The following CDH18 variants were observed in gnomAD, a reference collection of about 807,000 sequenced individuals.
CDH18 encodes cadherin 18.
A neutral mutation model predicts 67.9 loss-of-function variants in CDH18; 31 were observed. That is an observed-to-expected ratio of 0.46 (90% CI 0.34 to 0.62). CDH18 has a LOEUF of 0.62. Ranked by LOEUF, CDH18 falls within the 20% of genes least tolerant of loss-of-function variation. The pLI, the probability that CDH18 is intolerant of heterozygous loss-of-function variation, is 0.01. For missense variants in CDH18, 890 were observed against 975.5 expected, an observed-to-expected ratio of 0.91 and a Z score of 1.17; for synonymous variants, 362 against 347.2, an observed-to-expected ratio of 1.04 and a Z score of -0.48.
At chr5:19,617,243 C>A (rs938371716) in intron 5 of CDH18, among the ~76,000 whole-genome samples, 46 of 152,218 alleles carry the variant, frequency 3.0e-4, no homozygotes, top group African/African-American at 1.1e-3. Context: ...ACATAATATA[C>A]AAAATGATGT....
At chr5:19,765,855 A>T (rs1581249436) in intron 3 of CDH18, among the ~76,000 whole-genome samples, 2 of 147,532 alleles carry the variant, frequency 1.4e-5, no homozygotes, top group South Asian at 4.4e-4. Flanking sequence ...TAAGTTCATT[A>T]AAAATGGAAA....
chr5:19,691,919 T>C (rs1761942103), intron 5 of CDH18, among the ~76,000 whole-genome samples: 1 of 151,698 alleles, frequency 6.6e-6, no homozygotes, highest in South Asian at 2.1e-4. Flanking sequence ...GCCAAACAGA[T>C]AAAGCAATCT....
chr5:20,146,637 T>C (rs1307789124), intron 2 of CDH18, among the ~76,000 whole-genome samples: 1 of 150,146 alleles, frequency 6.7e-6, no homozygotes, highest in Non-Finnish European at 1.5e-5. Flanking sequence ...AAAAATAAAA[T>C]AAACAAATAA....
chr5:19,784,612 T>C (rs1775500573), intron 3 of CDH18, among the ~76,000 whole-genome samples: 1 of 152,218 alleles, frequency 6.6e-6, no homozygotes, highest in African/African-American at 2.4e-5. Context: ...TTATAGAACA[T>C]GAGAATCTAT....
At chr5:20,451,539 G>T (rs2150207690) in intron 1 of CDH18, among the ~76,000 whole-genome samples, 1 of 152,134 alleles carries the variant, frequency 6.6e-6, no homozygotes, top group East Asian at 1.9e-4. Flanking sequence ...GAAAATTTTT[G>T]TTTATGATTT....
At chr5:20,317,051 G>A (rs4551068) in intron 1 of CDH18, among the ~76,000 whole-genome samples, 123,419 of 151,946 alleles carry the variant, frequency 0.81, 50,422 homozygotes, top group African/African-American at 0.9. Flanking sequence ...CAGAAAAATT[G>A]ATATTTTATT....
chr5:20,367,205 G>T (rs567100635), intron 1 of CDH18, among the ~76,000 whole-genome samples: 1 of 152,286 alleles, frequency 6.6e-6, no homozygotes, highest in East Asian at 1.9e-4. Flanking sequence ...GCTCAAGATT[G>T]ATCCTCAACT....
chr5:19,818,638 A>T (rs62355787), intron 3 of CDH18, among the ~76,000 whole-genome samples: 12,468 of 152,250 alleles, frequency 0.082, 528 homozygotes, highest in African/African-American at 0.1. Context: ...CAATAGCCAC[A>T]CAGGCACACA....
chr5:19,714,410 T>C (rs1765091968), intron 5 of CDH18, among the ~76,000 whole-genome samples: 1 of 152,240 alleles, frequency 6.6e-6, no homozygotes, highest in South Asian at 2.1e-4. Context: ...ATTTCTTAAA[T>C]GCTATCTACA....
chr5:19,804,288 C>T (rs549355035), intron 3 of CDH18, among the ~76,000 whole-genome samples: 4 of 147,606 alleles, frequency 2.7e-5, no homozygotes, highest in African/African-American at 1.0e-4. Flanking sequence ...GGGGACAGAG[C>T]GAGATTCCAT....
intron 5 of CDH18, among the ~76,000 whole-genome samples, chr5:19,720,224 A>T (rs1057278990): frequency 1.3e-5 from 2 of 152,160 alleles, no homozygotes; most frequent in African/African-American, 4.8e-5. Flanking sequence ...GTTCCCTGAA[A>T]AATGGGTTAT....
At chr5:20,209,964 A>T (rs1464342289) in intron 2 of CDH18, among the ~76,000 whole-genome samples, 1 of 151,524 alleles carries the variant, frequency 6.6e-6, no homozygotes, top group African/African-American at 2.4e-5. Flanking sequence ...TATATCATAT[A>T]TAATTTAAGA....
At chr5:19,959,190 T>C (rs1796555658) in intron 2 of CDH18, among the ~76,000 whole-genome samples, 3 of 152,066 alleles carry the variant, frequency 2.0e-5, no homozygotes, top group Non-Finnish European at 4.4e-5. Context: ...CAGAGAGTCC[T>C]GAAAGCAGTA....
At position 20,367,175 on chromosome 5, in the gene CDH18, A is replaced by G. The variant is rs142736379; in HGVS notation, c.-579-111670T>C. Among the ~76,000 whole-genome samples the G allele has an allele frequency of 5.8e-3, 881 of 152,286 alleles. 5 individuals are homozygous for G. The highest frequency in any genetic ancestry group is 0.02 in the Middle Eastern group (6 of 294). The stretch of plus-strand genomic sequence containing the variant: ...TGTCTTTTGATTGAGAGCAGTAGAT[A>G]CAGTGGTATTTGTTAGCTTGCTCAA... On this transcript the variant is annotated intron_variant, in intron 1 of 14. Coordinates refer to the CDH18 transcript ENST00000507958.
At chr5:19,808,824 C>A (rs1581442308) in intron 3 of CDH18, among the ~76,000 whole-genome samples, 1 of 104,882 alleles carries the variant, frequency 9.5e-6, no homozygotes, top group East Asian at 3.0e-4. Context: ...AAGAGCGAAA[C>A]TCTGTCTCAA....
chr5:20,551,724 A>G (rs1014993346), intron 1 of CDH18, among the ~76,000 whole-genome samples: 2 of 152,166 alleles, frequency 1.3e-5, no homozygotes, highest in African/African-American at 4.8e-5. Flanking sequence ...ATTTTAAGTC[A>G]CCAAAGATGA....
intron 2 of CDH18, among the ~76,000 whole-genome samples, chr5:20,108,783 G>A (rs919142273): frequency 2.6e-5 from 4 of 151,948 alleles, no homozygotes; most frequent in Non-Finnish European, 4.4e-5. Context: ...AGATTTTAAC[G>A]TGACAGTAAG....
At chr5:20,475,752 A>G (rs55784011) in intron 1 of CDH18, among the ~76,000 whole-genome samples, 8,355 of 152,208 alleles carry the variant, frequency 0.055, 763 homozygotes, top group African/African-American at 0.19. Flanking sequence ...CTGTTCTAAC[A>G]CACAGGTCTC....
chr5:20,250,193 A>T (rs943004389), intron 2 of CDH18, among the ~76,000 whole-genome samples: 1 of 152,108 alleles, frequency 6.6e-6, no homozygotes, highest in Non-Finnish European at 1.5e-5. Flanking sequence ...ATTTGTGTAA[A>T]ATCTTTTCTT....
Sources: gnomAD v4.1 joint callset for allele counts (sites outside exome capture counted in the v4.1 genomes callset) on GRCh38, gnomAD v4.1.1 for gene constraint, MANE v1.5 for transcripts, NCBI Gene and HGNC (gene_info 2026-07-23, HGNC 2026-07-21) for gene names.